Variants in CADM2 observed in about 807,000 individuals in gnomAD.
CADM2 encodes the protein cell adhesion molecule 2, also known as immunoglobulin superfamily member 4D.
In CADM2, 12 loss-of-function variants were observed where a neutral mutation model predicts 49.8. The ratio of observed to expected loss-of-function variants is 0.24; its 90% CI spans 0.15 to 0.39. The LOEUF (loss-of-function observed/expected upper bound fraction) is 0.39. CADM2 is among the 10% of genes least tolerant of loss of function. The pLI is 1.00. For missense variants in CADM2, 378 were observed against 492.3 expected (o/e 0.77, Z 2.20); for synonymous variants, 214 against 175.4 (o/e 1.22, Z -1.74).
intron 1 of CADM2, among the ~76,000 whole-genome samples, chr3:85,531,955 T>A (rs35608699): frequency 0.53 from 79,974 of 151,502 alleles, 23,477 homozygotes; most frequent in East Asian, 0.85. Context: ...AGGCGGGCAG[T>A]TCACGAGGTC....
At chr3:86,062,098 C>G (rs1738725731) in intron 8 of CADM2, among the ~76,000 whole-genome samples, 1 of 151,958 alleles carries the variant, frequency 6.6e-6, no homozygotes, top group Non-Finnish European at 1.5e-5. Context: ...TTAGAATTTA[C>G]CTTCAGCAAG....
chr3:84,966,701 A>T (rs1177706851), intron 1 of CADM2, among the ~76,000 whole-genome samples: 1 of 152,072 alleles, frequency 6.6e-6, no homozygotes, highest in African/African-American at 2.4e-5. Flanking sequence ...AACTATTCAC[A>T]TTATATTTTA....
At chr3:85,901,352 T>C (rs1351430069) in intron 5 of CADM2, among the ~76,000 whole-genome samples, 1 of 152,200 alleles carries the variant, frequency 6.6e-6, no homozygotes, top group Non-Finnish European at 1.5e-5. Flanking sequence ...TTGATTGAGA[T>C]AGATTATTTT....
intron 2 of CADM2, among the ~76,000 whole-genome samples, chr3:85,766,966 A>G (rs1678554800): frequency 6.6e-6 from 1 of 152,150 alleles, no homozygotes; most frequent in Admixed American, 6.6e-5. Flanking sequence ...TTTGTCATAG[A>G]TTAGCAGCTC....
chr3:85,681,563 G>A (rs2066039693), intron 1 of CADM2, among the ~76,000 whole-genome samples: 1 of 152,016 alleles, frequency 6.6e-6, no homozygotes, highest in East Asian at 1.9e-4. Flanking sequence ...TATGATTTAT[G>A]ATATCAGAAC....
At chr3:85,387,176 C>G (rs747386656) in intron 1 of CADM2, among the ~76,000 whole-genome samples, 3 of 152,060 alleles carry the variant, frequency 2.0e-5, no homozygotes, top group Non-Finnish European at 2.9e-5. Context: ...GGCTACAGAC[C>G]ATGCCCATTA....
At chr3:85,481,182 C>T (rs939648449) in intron 1 of CADM2, among the ~76,000 whole-genome samples, 9 of 149,510 alleles carry the variant, frequency 6.0e-5, no homozygotes, top group African/African-American at 1.9e-4. Flanking sequence ...TTTGAAATGA[C>T]CATTATACAC....
chr3:85,259,942 T>C (rs2042977518), intron 1 of CADM2, among the ~76,000 whole-genome samples: 1 of 152,136 alleles, frequency 6.6e-6, no homozygotes, highest in Non-Finnish European at 1.5e-5. Flanking sequence ...TAAAGGTTAG[T>C]CATCTTTTGA....
intron 1 of CADM2, among the ~76,000 whole-genome samples, chr3:85,509,704 T>C (rs2040523358): frequency 1.3e-5 from 2 of 152,118 alleles, no homozygotes; most frequent in South Asian, 4.1e-4. Flanking sequence ...CAATAATAAA[T>C]AGTTATATCA....
At chr3:85,733,489 T>C (rs1184792550) in intron 2 of CADM2, among the ~76,000 whole-genome samples, 4 of 152,196 alleles carry the variant, frequency 2.6e-5, no homozygotes, top group African/African-American at 9.6e-5. Flanking sequence ...TGTTGCAAAG[T>C]ACAAACTAGT....
rs780869842 is a variant in CADM2 at position 85,598,785 on chromosome 3, G to A, written c.62-127737G>A. 7.9e-5 allele frequency among the ~76,000 whole-genome samples: 12 copies of A among 151,678 alleles called. No individual in the cohort carries two copies. The East Asian group carries it at 2.3e-3, about 29-fold the overall frequency. ...TAATTATTGTGGAAATTGTTTAATT[G>A]CCATTCTCTATATTTATCTATATAG... is the stretch of plus-strand genomic sequence containing the variant. On this transcript the variant is annotated intron_variant, in intron 1 of 9. Coordinates refer to ENST00000383699, the MANE Select transcript of CADM2 (RefSeq NM_001167675.2).
At chr3:85,388,810 T>C (rs2034376159) in intron 1 of CADM2, among the ~76,000 whole-genome samples, 1 of 152,120 alleles carries the variant, frequency 6.6e-6, no homozygotes, top group South Asian at 2.1e-4. Flanking sequence ...AAAATCATAT[T>C]CATCCATCTG....
intron 8 of CADM2, among the ~76,000 whole-genome samples, chr3:86,050,349 G>A (rs73136129): frequency 6.0e-4 from 92 of 152,316 alleles, no homozygotes; most frequent in Non-Finnish European, 1.2e-3. Flanking sequence ...GCAGAGTTCA[G>A]TGCCTGTGGC....
intron 1 of CADM2, among the ~76,000 whole-genome samples, chr3:84,984,422 C>A (rs372388893): frequency 2.7e-5 from 4 of 147,736 alleles, no homozygotes; most frequent in African/African-American, 1.0e-4. Context: ...ATCTCCCTTA[C>A]CTCCCATGTT....
At chr3:85,497,877 A>T (rs1465802991) in intron 1 of CADM2, among the ~76,000 whole-genome samples, 1 of 151,750 alleles carries the variant, frequency 6.6e-6, no homozygotes, top group Admixed American at 6.6e-5. Flanking sequence ...TTATGTATCT[A>T]TATGTATTTG....
At chr3:85,017,045 A>G (rs1229744354) in intron 1 of CADM2, among the ~76,000 whole-genome samples, 1 of 152,208 alleles carries the variant, frequency 6.6e-6, no homozygotes, top group African/African-American at 2.4e-5. Context: ...TTGTAATATC[A>G]CTAAGATCCA....
chr3:85,532,778 C>A (rs754825599), intron 1 of CADM2, among the ~76,000 whole-genome samples: 6 of 152,116 alleles, frequency 3.9e-5, no homozygotes, highest in African/African-American at 7.2e-5. Context: ...CAGTGATAGA[C>A]TGGATAAAGA....
In CADM2 at chr3:85,267,515, G is replaced by T. The variant is rs115157794; in HGVS notation, c.61+307847G>T. Among the ~76,000 whole-genome samples, 288 of 151,570 alleles carry T rather than the reference G, an allele frequency of 1.9e-3. 2 individuals are homozygous for T. Among genetic ancestry groups the T allele is most frequent in the African/African-American group, 6.7e-3 (276 of 41,424 alleles). On this transcript the variant is annotated intron_variant, in intron 1 of 9. Transcript: ENST00000383699. ...AGATTGCCATATTTATTTAGTTTTG[G>T]TCTTCTTATCTTCCATTATGCAATG... is the stretch of plus-strand genomic sequence containing the variant.
chr3:85,320,269 T>C (rs768703737), intron 1 of CADM2, among the ~76,000 whole-genome samples: 1 of 152,330 alleles, frequency 6.6e-6, no homozygotes, highest in Admixed American at 6.5e-5. Context: ...TCAACTGAGA[T>C]ACTTTGCTCT....
Sources: gnomAD v4.1 joint callset for allele counts (sites outside exome capture counted in the v4.1 genomes callset) on GRCh38, gnomAD v4.1.1 for gene constraint, MANE v1.5 for transcripts, NCBI Gene and HGNC (gene_info 2026-07-23, HGNC 2026-07-21) for gene names.